Variants in PRKRA observed in about 807,000 individuals in gnomAD.
The protein encoded by PRKRA is protein activator of interferon induced protein kinase EIF2AK2.
In PRKRA, 22 loss-of-function variants were observed where a neutral mutation model predicts 32.4. The ratio of observed to expected loss-of-function variants is 0.68; its 90% CI spans 0.49 to 0.97. The LOEUF (loss-of-function observed/expected upper bound fraction) is 0.97, where lower values mean the gene tolerates loss of function less well. Among genes scored for constraint, PRKRA ranks in the 50% least tolerant of loss-of-function variants. The pLI, the probability that PRKRA is intolerant of heterozygous loss-of-function variation, is 0.00. For missense variants in PRKRA, 319 were observed against 375.6 expected (o/e 0.85, Z 1.25); for synonymous variants, 139 against 129.8 (o/e 1.07, Z -0.48).
In PRKRA at chr2:178,447,837, A is replaced by G. The variant is rs182513812; in HGVS notation, c.236-251T>C. Among the ~76,000 whole-genome samples, 146 of 152,350 alleles carry G rather than the reference A, an allele frequency of 9.6e-4. 1 individual carries two copies. Among genetic ancestry groups the G allele is most frequent in the African/African-American group, 3.2e-3 (133 of 41,584 alleles). On this transcript the variant is annotated intron_variant, in intron 2 of 7. Transcript: ENST00000325748. The stretch of plus-strand genomic sequence containing the variant: ...ACTTTTTAAAGTTCTATATAATTCT[A>G]TGCATACCTGCATAAAAATCCTTAT...
Position 178,444,568 on chromosome 2 carries a change from A to G in PRKRA, c.318-68T>C, listed in dbSNP as rs1435974103. On this transcript the variant is annotated intron_variant, in intron 3 of 7. Coordinates refer to ENST00000325748, the MANE Select transcript of PRKRA (RefSeq NM_003690.5). ...CCGAATTATGAAATAAATGACAAGC[A>G]TTTTCTAATTAACTCTCTATGTCTT... 5.2e-6 allele frequency: 5 copies of G among 959,242 alleles called. No individual in the cohort carries two copies. In the African/African-American group the frequency reaches 7.9e-5, roughly 15 times the overall value. 59.4% of individuals were successfully genotyped at this position (959,242 alleles called of 1,614,324 possible). A position where few individuals can be genotyped will look rare whatever the true frequency, so the allele number is the denominator to read the frequency against.
Position 178,451,100 on chromosome 2 carries a change from T to G in PRKRA, c.-70A>C. 1 of 1,501,358 alleles carries G rather than the reference T, an allele frequency of 6.7e-7. No homozygotes were observed. The highest frequency in any genetic ancestry group is 1.2e-5 in the South Asian group (1 of 81,320). The allele number at this position is 1,501,358 out of a possible 1,614,324, so 93.0% of individuals were successfully genotyped here. A position where few individuals can be genotyped will look rare whatever the true frequency, so the allele number is the denominator to read the frequency against. ...GCGACGTGCTCGCTCCCCGGGTCGCTGGTCCCCGGGAGGAGCTCCAGCGCC... is the reference window on the plus strand; with the variant it reads ...GCGACGTGCTCGCTCCCCGGGTCGCGGGTCCCCGGGAGGAGCTCCAGCGCC... On this transcript the variant is annotated 5_prime_UTR_variant, in exon 1 of 8. Coordinates refer to ENST00000325748, the MANE Select transcript of PRKRA (RefSeq NM_003690.5).
Position 178,432,039 on chromosome 2 carries a change from A to C in PRKRA, c.*58T>G. ...ACTACGGTAAAAGTTTTACTTGGGA[A>C]GGGGCCAGAGGGGAACTTTTTATGT... On this transcript the variant is annotated 3_prime_UTR_variant, in exon 8 of 8. Coordinates refer to ENST00000325748, the MANE Select transcript of PRKRA (RefSeq NM_003690.5). 6.3e-7 allele frequency: 1 copy of C among 1,576,158 alleles called. No homozygotes were observed. The highest frequency in any genetic ancestry group is 8.7e-7 in the Non-Finnish European group (1 of 1,148,150).
At position 178,451,016 on chromosome 2, in the gene PRKRA, C is replaced by G; in HGVS notation, c.15G>C (p.Arg5Ser). The G allele has an allele frequency of 6.4e-7, 1 of 1,556,522 alleles. No individual in the cohort carries two copies. Among genetic ancestry groups the G allele is most frequent in the South Asian group, 1.2e-5 (1 of 85,148 alleles). MSQS[R>S]HRAEAPPLER... ...CCAGCGGCGGGGCCTCGGCGCGGTG[C>G]CTGCTCTGGGACATGGCGAGAAGGG... The change falls in exon 1 of 8, where the codon AGG becomes AGC. Residue 5 changes from arginine to serine, a missense_variant. By Grantham distance (110) the Arg-to-Ser change is moderately radical. Coordinates refer to ENST00000325748, the MANE Select transcript of PRKRA (RefSeq NM_003690.5).
At chr2:178,438,520 G>A (rs947720456) in intron 6 of PRKRA, among the ~76,000 whole-genome samples, 3 of 152,112 alleles carry the variant, frequency 2.0e-5, no homozygotes, top group African/African-American at 7.2e-5. Flanking sequence ...CCAGTAACTT[G>A]TCTGACAAGT....
chr2:178,441,247 C>T (rs1373228911), intron 6 of PRKRA, among the ~76,000 whole-genome samples: 1 of 152,204 alleles, frequency 6.6e-6, no homozygotes, highest in Non-Finnish European at 1.5e-5. Context: ...CAGTACCCAA[C>T]ACAACACTTA....
chr2:178,433,427 A>C (rs1696751655), intron 7 of PRKRA: 1 of 152,138 alleles, frequency 6.6e-6, no homozygotes, highest in Admixed American at 6.5e-5. Context: ...AGGAACTGAG[A>C]AGCTTATTCC....
intron 2 of PRKRA, 126 bp from the exon 3 acceptor site, chr2:178,447,712 T>TTTA: frequency 2.1e-6 from 2 of 944,038 alleles, no homozygotes; most frequent in African/African-American, 2.0e-5. Context: ...AATAAAAATA[T>TTTA]GTACGTTATA....
chr2:178,438,373 A>T (rs892312217), intron 6 of PRKRA, among the ~76,000 whole-genome samples: 1 of 152,150 alleles, frequency 6.6e-6, no homozygotes, highest in African/African-American at 2.4e-5. Flanking sequence ...GTGGATGTAA[A>T]CTGTTTCTAC....
intron 7 of PRKRA, among the ~76,000 whole-genome samples, chr2:178,432,952 AC>A (rs1234116906): frequency 7.2e-5 from 11 of 152,210 alleles, no homozygotes. Context: ...AGCCACTCTT[AC>A]TAAAGATGGC....
intron 3 of PRKRA, 121 bp from the exon 4 acceptor site, chr2:178,444,621 T>C (rs1697248463): frequency 1.3e-6 from 1 of 779,790 alleles, no homozygotes; most frequent in Non-Finnish European, 2.1e-6. Flanking sequence ...CTACATGGAA[T>C]GCCCTTTTCT....
chr2:178,441,043 G>C (rs1697093307), intron 6 of PRKRA, among the ~76,000 whole-genome samples: 1 of 152,086 alleles, frequency 6.6e-6, no homozygotes, highest in Non-Finnish European at 1.5e-5. Context: ...CTTCTCTCTG[G>C]AATTCTTTTC....
chr2:178,441,756 G>A (rs773241089), intron 5 of PRKRA, 52 bp from the exon 6 acceptor site: 2 of 1,413,152 alleles, frequency 1.4e-6, no homozygotes, highest in East Asian at 4.6e-5. Context: ...AGTGTCCACA[G>A]AGGATGATCA....
chr2:178,450,198 A>G (rs1697510670), intron 2 of PRKRA, 44 bp downstream of exon 2: 1 of 1,219,634 alleles, frequency 8.2e-7, no homozygotes, highest in Non-Finnish European at 1.1e-6. Flanking sequence ...CCAAGTATTG[A>G]CTGCCAACCC....
chr2:178,436,806 C>T (rs564756240), intron 6 of PRKRA, among the ~76,000 whole-genome samples: 17 of 152,006 alleles, frequency 1.1e-4, no homozygotes, highest in Middle Eastern at 6.8e-3. Flanking sequence ...GAAATGTGCG[C>T]GTTGGGTTTG....
Position 178,451,116 on chromosome 2 carries a change from CT to C in PRKRA, c.-87del. 1 of 1,447,056 alleles carries C rather than the reference CT, an allele frequency of 6.9e-7. No homozygotes were observed. The highest frequency in any genetic ancestry group is 9.2e-7 in the Non-Finnish European group (1 of 1,083,802). 89.6% of individuals were successfully genotyped at this position (1,447,056 alleles called of 1,614,324 possible). A position where few individuals can be genotyped will look rare whatever the true frequency, so the allele number is the denominator to read the frequency against. On this transcript the variant is annotated 5_prime_UTR_variant, in exon 1 of 8. Coordinates refer to ENST00000325748, the MANE Select transcript of PRKRA (RefSeq NM_003690.5). ...CCGGGTCGCTGGTCCCCGGGAGGAG[CT>C]CCAGCGCCGCCACCTCCTCCGACTC...
chr2:178,436,400 T>A, intron 6 of PRKRA, 81 bp from the exon 7 acceptor site: 2 of 1,168,220 alleles, frequency 1.7e-6, no homozygotes, highest in Non-Finnish European at 2.6e-6. Flanking sequence ...AAAGTACTTA[T>A]TAAGCACTCA....
intron 3 of PRKRA, among the ~76,000 whole-genome samples, chr2:178,446,074 G>C (rs1447503079): frequency 1.3e-5 from 2 of 151,724 alleles, no homozygotes; most frequent in African/African-American, 2.4e-5. Context: ...GAGTGCAGGG[G>C]CACAATCTTA....
intron 3 of PRKRA, among the ~76,000 whole-genome samples, chr2:178,446,225 G>A (rs1341349570): frequency 2.0e-5 from 3 of 151,860 alleles, no homozygotes; most frequent in African/African-American, 7.3e-5. Context: ...ATGTTGGCCA[G>A]GCTGGTCTTG....
Sources: allele counts gnomAD v4.1 joint callset (sites outside exome capture counted in the v4.1 genomes callset), GRCh38; gene constraint gnomAD v4.1.1; transcripts MANE v1.5; gene names NCBI Gene and HGNC (gene_info 2026-07-23, HGNC 2026-07-21).